The following CLPB variants were observed in gnomAD, a reference collection of about 807,000 sequenced individuals.
CLPB encodes ClpB family mitochondrial disaggregase.
Under a neutral mutation model 78.4 loss-of-function variants are expected in CLPB, and 40 were observed. The observed-to-expected ratio is 0.51, with a 90% CI of 0.40 to 0.66. The LOEUF (loss-of-function observed/expected upper bound fraction) is 0.66. Ranked by LOEUF, CLPB falls within the 30% of genes least tolerant of loss-of-function variation. CLPB has a pLI of 0.00. For synonymous variants in CLPB, 333 were observed against 348.0 expected (o/e 0.96, Z 0.48); for missense variants, 780 against 886.9 (o/e 0.88, Z 1.53).
At chr11:72,381,141 C>T (rs1349607012) in intron 3 of CLPB, among the ~76,000 whole-genome samples, 1 of 152,178 alleles carries the variant, frequency 6.6e-6, no homozygotes, top group African/African-American at 2.4e-5. Flanking sequence ...GAAAAGATTA[C>T]CTACAGAGGG....
At chr11:72,414,596 TC>T (rs999508714) in intron 2 of CLPB, among the ~76,000 whole-genome samples, 10 of 152,226 alleles carry the variant, frequency 6.6e-5, no homozygotes, top group African/African-American at 2.4e-4. Context: ...TGAAGTAACA[TC>T]TCCAAGCTAG....
chr11:72,325,053 G>A (rs1383153810), intron 6 of CLPB, among the ~76,000 whole-genome samples: 1 of 151,708 alleles, frequency 6.6e-6, no homozygotes, highest in Non-Finnish European at 1.5e-5. Context: ...CGTGAGTCTC[G>A]GTGCAGTGAG....
Position 72,372,909 on chromosome 11 carries a change from A to G in CLPB, c.646+7372T>C. The G allele has an allele frequency of 6.2e-7, 1 of 1,606,314 alleles. No individual in the cohort carries two copies. Among genetic ancestry groups the G allele is most frequent in the African/African-American group, 1.3e-5 (1 of 74,882 alleles). Reference sequence around the variant, plus strand: ...CTGGGGAGGGGGAGAAATATTATACAGAGCAGTTCCATTACCGCCAGCGGG... The same window carrying G: ...CTGGGGAGGGGGAGAAATATTATACGGAGCAGTTCCATTACCGCCAGCGGG... On this transcript the variant is annotated intron_variant, in intron 4 of 15. Coordinates refer to ENST00000538039, the MANE Select transcript of CLPB (RefSeq NM_001258392.3).
At chr11:72,318,604 CAG>C (rs1949991846) in intron 6 of CLPB, among the ~76,000 whole-genome samples, 1 of 152,132 alleles carries the variant, frequency 6.6e-6, no homozygotes, top group African/African-American at 2.4e-5. Context: ...CTCTTGCGGG[CAG>C]AGTGGATAAA....
At chr11:72,353,454 C>G (rs1158252501) in intron 5 of CLPB, among the ~76,000 whole-genome samples, 3 of 152,172 alleles carry the variant, frequency 2.0e-5, no homozygotes, top group Non-Finnish European at 1.5e-5. Context: ...AAGTCAGACA[C>G]ATTAGGAAAT....
chr11:72,430,383 TG>T lies in CLPB; in HGVS notation c.404-21del. 1 of 1,611,896 alleles carries T rather than the reference TG, an allele frequency of 6.2e-7. No individual in the cohort carries two copies. Among genetic ancestry groups the T allele is most frequent in the South Asian group, 1.1e-5 (1 of 90,232 alleles). On this transcript the variant is annotated intron_variant, in intron 1 of 15. Coordinates refer to ENST00000538039, the MANE Select transcript of CLPB (RefSeq NM_001258392.3). The stretch of plus-strand genomic sequence containing the variant: ...CTGCATCTGAAGAGAAAGGGGGCAC[TG>T]GTCAGATCCGCGGCCAGGACATACC...
At chr11:72,346,177 C>T (rs1384473863) in intron 5 of CLPB, among the ~76,000 whole-genome samples, 13 of 152,092 alleles carry the variant, frequency 8.5e-5, no homozygotes, top group Non-Finnish European at 7.3e-5. Flanking sequence ...GTCCCAGCTA[C>T]ACGGGAGGCT....
chr11:72,320,006 G>C (rs1349952066), intron 6 of CLPB, among the ~76,000 whole-genome samples: 1 of 152,258 alleles, frequency 6.6e-6, no homozygotes, highest in Non-Finnish European at 1.5e-5. Flanking sequence ...CACTGCCCCA[G>C]AGGCGGCTCT....
At chr11:72,320,877 T>C (rs1407696436) in intron 6 of CLPB, among the ~76,000 whole-genome samples, 1 of 152,062 alleles carries the variant, frequency 6.6e-6, no homozygotes, top group Non-Finnish European at 1.5e-5. Flanking sequence ...CACGCCCAGC[T>C]AGTTTTTATA....
chr11:72,375,878 T>C (rs1374392353), intron 4 of CLPB, among the ~76,000 whole-genome samples: 1 of 152,206 alleles, frequency 6.6e-6, no homozygotes, highest in East Asian at 1.9e-4. Context: ...ACATATTTTA[T>C]CTCTTGATAT....
chr11:72,301,295 A>C (rs1223241940), intron 11 of CLPB, among the ~76,000 whole-genome samples: 1 of 152,214 alleles, frequency 6.6e-6, no homozygotes, highest in Non-Finnish European at 1.5e-5. Flanking sequence ...TCAGAGTATC[A>C]GCATCTCACC....
At chr11:72,427,064 A>T (rs1395255289) in intron 2 of CLPB, among the ~76,000 whole-genome samples, 1 of 152,260 alleles carries the variant, frequency 6.6e-6, no homozygotes, top group Non-Finnish European at 1.5e-5. Context: ...TAGAGCTTTG[A>T]AAGGTGTAAG....
At chr11:72,334,533 C>T (rs1249899402) in intron 5 of CLPB, among the ~76,000 whole-genome samples, 1 of 152,240 alleles carries the variant, frequency 6.6e-6, no homozygotes, top group African/African-American at 2.4e-5. Flanking sequence ...TGACTTCTAC[C>T]ACTGATCGAT....
chr11:72,406,253 T>G (rs1855706710), intron 2 of CLPB, among the ~76,000 whole-genome samples: 2 of 152,114 alleles, frequency 1.3e-5, no homozygotes. Context: ...AAATCCCTCA[T>G]GCCTCCAAGG....
rs750871760 is a variant in CLPB, at chr11:72,380,396, C to G, written c.543-12G>C. 1.3e-4 allele frequency: 210 copies of G among 1,609,844 alleles called. 1 individual carries two copies. The highest frequency in any genetic ancestry group is 1.8e-4 in the Non-Finnish European group (208 of 1,176,264). On this transcript the variant is annotated splice_polypyrimidine_tract_variant and intron_variant, in intron 3 of 15. Transcript: ENST00000538039. ...GGACCTGTACCACACTAGAAGAAAT[C>G]ACAAAGACAGAAGTGTCAAAAGCAA... is the stretch of plus-strand genomic sequence containing the variant.
chr11:72,373,141 C>A (rs1458379984), intron 4 of CLPB: 6 of 682,726 alleles, frequency 8.8e-6, no homozygotes, highest in African/African-American at 1.8e-5. Flanking sequence ...GGGCCCTATG[C>A]CAACCCAGCT....
intron 6 of CLPB, among the ~76,000 whole-genome samples, chr11:72,326,493 T>A (rs1377724396): frequency 6.6e-6 from 1 of 152,244 alleles, no homozygotes; most frequent in Non-Finnish European, 1.5e-5. Context: ...CTAAAACTTC[T>A]ATAATGGGAC....
intron 2 of CLPB, among the ~76,000 whole-genome samples, chr11:72,410,434 A>G (rs937125829): frequency 3.9e-5 from 6 of 152,234 alleles, no homozygotes; most frequent in Non-Finnish European, 7.3e-5. Context: ...TAGGGGTGCT[A>G]TGAAGAGACA....
intron 2 of CLPB, among the ~76,000 whole-genome samples, chr11:72,415,472 C>T (rs748828001): frequency 1.3e-5 from 2 of 152,198 alleles, no homozygotes; most frequent in Non-Finnish European, 2.9e-5. Context: ...CTTCCTAGAA[C>T]CTTCTCTCTT....
Sources: gnomAD v4.1 joint callset for allele counts (sites outside exome capture counted in the v4.1 genomes callset) on GRCh38, gnomAD v4.1.1 for gene constraint, MANE v1.5 for transcripts, NCBI Gene and HGNC (gene_info 2026-07-23, HGNC 2026-07-21) for gene names.